KIAA1549L: variants seen among roughly 807,000 people sequenced by gnomAD.
KIAA1549L encodes the protein UPF0606 protein KIAA1549L.
KIAA1549L carries 88 observed loss-of-function variants against 160.7 expected under a neutral mutation model. The observed-to-expected ratio is 0.55, with a 90% confidence interval of 0.46 to 0.65. The LOEUF is 0.65. KIAA1549L is among the 30% of genes least tolerant of loss of function. The pLI is 0.00. For synonymous variants in KIAA1549L, 950 were observed against 976.7 expected (o/e 0.97, Z 0.51); for missense variants, 2,258 against 2,437.5 (o/e 0.93, Z 1.55).
intron 1 of KIAA1549L, among the ~76,000 whole-genome samples, chr11:33,523,896 G>T (rs989028331): frequency 9.2e-5 from 14 of 151,530 alleles, no homozygotes; most frequent in South Asian, 4.2e-4. Context: ...CTACATTTTT[G>T]CTTGGCTGCA....
At chr11:33,380,580 A>C (rs1338215785) in intron 1 of KIAA1549L, among the ~76,000 whole-genome samples, 2 of 152,062 alleles carry the variant, frequency 1.3e-5, no homozygotes, top group African/African-American at 4.8e-5. Flanking sequence ...CAGGTCCTGA[A>C]TACTTCTGTT....
intron 1 of KIAA1549L, among the ~76,000 whole-genome samples, chr11:33,486,101 C>T (rs1014495103): frequency 6.6e-6 from 1 of 152,144 alleles, no homozygotes; most frequent in African/African-American, 2.4e-5. Context: ...CAGGTATCTC[C>T]TTGACATACC....
At chr11:33,525,646 A>G (rs1853593584) in intron 1 of KIAA1549L, among the ~76,000 whole-genome samples, 2 of 151,952 alleles carry the variant, frequency 1.3e-5, no homozygotes, top group African/African-American at 4.8e-5. Context: ...TCACAGCCAA[A>G]GCTGCAGGCA....
chr11:33,615,138 A>C (rs1850775658), intron 15 of KIAA1549L, among the ~76,000 whole-genome samples: 1 of 152,034 alleles, frequency 6.6e-6, no homozygotes, highest in Non-Finnish European at 1.5e-5. Flanking sequence ...CCACCTCCCA[A>C]ATAAATGACT....
intron 12 of KIAA1549L, among the ~76,000 whole-genome samples, chr11:33,596,142 A>G (rs1850192888): frequency 6.6e-6 from 1 of 152,292 alleles, no homozygotes; most frequent in East Asian, 1.9e-4. Flanking sequence ...GGACTTTTGC[A>G]TTCAGTAGCC....
chr11:33,635,656 T>A (rs1221168434), intron 16 of KIAA1549L, among the ~76,000 whole-genome samples: 1 of 151,724 alleles, frequency 6.6e-6, no homozygotes, highest in Non-Finnish European at 1.5e-5. Context: ...TTATCCCTCT[T>A]CGTTAAGCCC....
At position 33,606,781 on chromosome 11, in the gene KIAA1549L, T is replaced by C. The variant is rs1461993473; in HGVS notation, c.5020T>C (p.Ser1674Pro). 12 of 1,612,870 alleles carry C rather than the reference T, an allele frequency of 7.4e-6. No homozygotes were observed. Among genetic ancestry groups the C allele is most frequent in the Non-Finnish European group, 6.8e-6 (8 of 1,179,528 alleles). Residue 1674 changes from serine (S) to proline (P), a missense_variant, in exon 14 of 21, where the codon TCG becomes CCG. Coordinates refer to ENST00000658780, the MANE Select transcript of KIAA1549L (RefSeq NM_012194.3). ...PTALPMVPPTSDRSQESSAVL... is the reference protein window; with the variant it reads ...PTALPMVPPTPDRSQESSAVL... ...AGCCCTCCCCATGGTGCCCCCCACCTCGGACAGGAGCCAGGAGTCATCGGC... is the reference window on the plus strand; with the variant it reads ...AGCCCTCCCCATGGTGCCCCCCACCCCGGACAGGAGCCAGGAGTCATCGGC...
intron 1 of KIAA1549L, among the ~76,000 whole-genome samples, chr11:33,514,616 T>C (rs1853302931): frequency 6.6e-6 from 1 of 152,258 alleles, no homozygotes; most frequent in African/African-American, 2.4e-5. Flanking sequence ...GGTGTCTTTA[T>C]TTAATCACAG....
intron 16 of KIAA1549L, among the ~76,000 whole-genome samples, chr11:33,623,015 A>G (rs1851003150): frequency 6.6e-6 from 1 of 152,224 alleles, no homozygotes; most frequent in South Asian, 2.1e-4. Flanking sequence ...TTGCAGAACA[A>G]TGAAATATTA....
At chr11:33,445,594 A>G (rs1483073079) in intron 1 of KIAA1549L, among the ~76,000 whole-genome samples, 1 of 152,180 alleles carries the variant, frequency 6.6e-6, no homozygotes, top group Non-Finnish European at 1.5e-5. Context: ...ATTGAAAAAT[A>G]ATTTTGCATA....
At chr11:33,624,093 T>C (rs942780784) in intron 16 of KIAA1549L, among the ~76,000 whole-genome samples, 1 of 152,156 alleles carries the variant, frequency 6.6e-6, no homozygotes, top group African/African-American at 2.4e-5. Context: ...CTTTTAAAGT[T>C]GGGCTATGGT....
At position 33,406,551 on chromosome 11, in the gene KIAA1549L, C is replaced by T. The variant is rs565577602; in HGVS notation, c.238+29662C>T. Reference sequence around the variant, plus strand: ...GGGAAGCTGGAACTCAAACTACCCCCTTTGCTTATGTTGTGTTGTAATCCG... The same window carrying T: ...GGGAAGCTGGAACTCAAACTACCCCTTTTGCTTATGTTGTGTTGTAATCCG... On this transcript the variant is annotated intron_variant, in intron 1 of 20. Transcript: ENST00000658780. Among the ~76,000 whole-genome samples the T allele has an allele frequency of 3.3e-5, 5 of 152,368 alleles. No individual in the cohort carries two copies. The South Asian group carries it at 1.0e-3, about 32-fold the overall frequency.
At position 33,598,819 on chromosome 11, in the gene KIAA1549L, G is replaced by T. The variant is rs755065918; in HGVS notation, c.4752-1G>T. 2.5e-6 allele frequency: 4 copies of T among 1,613,742 alleles called. No homozygotes were observed. Among genetic ancestry groups the T allele is most frequent in the Non-Finnish European group, 3.4e-6 (4 of 1,179,816 alleles). On this transcript the variant is annotated splice_acceptor_variant, in intron 12 of 20. Transcript: ENST00000658780. LOFTEE classifies it high-confidence loss of function. Reference sequence around the variant, plus strand: ...TCCCCTGTTGCTATGGTTACCTCCAGCAGGTCGCCCAGTGAGAATGGCTCT... The same window carrying T: ...TCCCCTGTTGCTATGGTTACCTCCATCAGGTCGCCCAGTGAGAATGGCTCT...
intron 1 of KIAA1549L, among the ~76,000 whole-genome samples, chr11:33,517,380 C>T (rs1009433968): frequency 6.6e-6 from 1 of 152,134 alleles, no homozygotes; most frequent in African/African-American, 2.4e-5. Context: ...GAGACTAATG[C>T]AAACATAAAG....
intron 1 of KIAA1549L, among the ~76,000 whole-genome samples, chr11:33,408,781 CAAAAAAA>C (rs71034683): frequency 5.2e-5 from 6 of 115,338 alleles, no homozygotes; most frequent in Non-Finnish European, 1.0e-4. Context: ...ACTAAAAATA[CAAAAAAA>C]AAAAAAAAAA....
At chr11:33,485,531 A>G (rs1369366542) in intron 1 of KIAA1549L, among the ~76,000 whole-genome samples, 1 of 152,146 alleles carries the variant, frequency 6.6e-6, no homozygotes, top group African/African-American at 2.4e-5. Context: ...GATTAAAAAA[A>G]CCTGTTATAT....
intron 16 of KIAA1549L, 139 bp from the exon 17 acceptor site, chr11:33,645,547 G>C (rs1851693976): frequency 3.0e-6 from 2 of 666,006 alleles, no homozygotes; most frequent in African/African-American, 1.8e-5. Flanking sequence ...TGAATTCCTA[G>C]ATAGGGCACG....
intron 1 of KIAA1549L, among the ~76,000 whole-genome samples, chr11:33,524,063 C>A (rs879358340): frequency 7.2e-5 from 11 of 152,008 alleles, no homozygotes; most frequent in Admixed American, 6.6e-4. Flanking sequence ...ATTGGAATTA[C>A]CTATTTAAAA....
chr11:33,406,207 C>T (rs908678590), intron 1 of KIAA1549L, among the ~76,000 whole-genome samples: 2 of 152,196 alleles, frequency 1.3e-5, no homozygotes, highest in Non-Finnish European at 2.9e-5. Context: ...CCCCCCAAAA[C>T]TGGCCTACAG....
Sources: gnomAD v4.1 joint callset for allele counts (sites outside exome capture counted in the v4.1 genomes callset) on GRCh38, gnomAD v4.1.1 for gene constraint, MANE v1.5 for transcripts, NCBI Gene and HGNC (gene_info 2026-07-23, HGNC 2026-07-21) for gene names.